Variants in PHLDB2 observed in about 807,000 individuals in gnomAD.
The protein encoded by PHLDB2 is pleckstrin homology-like domain family B member 2.
Under a neutral mutation model 123.6 loss-of-function variants are expected in PHLDB2, and 71 were observed. The observed-to-expected ratio is 0.57, with a 90% CI of 0.47 to 0.70. The LOEUF (loss-of-function observed/expected upper bound fraction) is 0.70, where lower values mean the gene tolerates loss of function less well. Ranked by LOEUF, PHLDB2 falls within the 30% of genes least tolerant of loss-of-function variation. The probability of loss-of-function intolerance (pLI) is 0.00; values close to 1 mark genes in which losing one functional copy is unlikely to be tolerated. For missense variants in PHLDB2, 1,446 were observed against 1,519.5 expected (o/e 0.95, Z 0.80); for synonymous variants, 547 against 541.6 (o/e 1.01, Z -0.14).
chr3:111,758,757 A>G lies in PHLDB2; in HGVS notation c.-49+26054A>G, dbSNP rs571086235. ...ATTCGGCCATCTTGGCTCGACCACA[A>G]AAAAATTTCAAGTGCATCTATTTTG... On this transcript the variant is annotated intron_variant, in intron 1 of 17. Coordinates refer to the PHLDB2 transcript ENST00000393923. 1.7e-4 allele frequency among the ~76,000 whole-genome samples: 26 copies of G among 152,254 alleles called. No individual in the cohort carries two copies. In the South Asian group the frequency reaches 4.8e-3, roughly 28 times the overall value.
chr3:111,949,867 C>T, intron 10 of PHLDB2: 2 of 982,674 alleles, frequency 2.0e-6, no homozygotes, highest in Non-Finnish European at 2.4e-6. Context: ...ACACAGAAGG[C>T]AGCAGCAGCA....
intron 1 of PHLDB2, among the ~76,000 whole-genome samples, chr3:111,861,101 A>G (rs1245921213): frequency 6.6e-6 from 1 of 152,214 alleles, no homozygotes; most frequent in Non-Finnish European, 1.5e-5. Context: ...GAACACTTGA[A>G]TTCTTGGTTC....
rs1013710037 is a variant in PHLDB2, at chr3:111,952,450, A to G, written c.2632-122A>G. ...TCAGTGAACACAATATATGTTGAAT[A>G]ACTTTAAGAAAAATTCTGTTAAAAT... is the stretch of plus-strand genomic sequence containing the variant. On this transcript the variant is annotated intron_variant, in intron 10 of 17. Transcript: ENST00000431670. 4 of 1,096,540 alleles carry G rather than the reference A, an allele frequency of 3.6e-6. No individual in the cohort carries two copies. In the African/African-American group the frequency reaches 6.4e-5, roughly 17 times the overall value. The allele number at this position is 1,096,540 out of a possible 1,614,324, so 67.9% of individuals were successfully genotyped here.
chr3:111,780,357 A>G (rs895117453), intron 1 of PHLDB2, among the ~76,000 whole-genome samples: 1,100 of 24,416 alleles, frequency 0.045, 86 homozygotes, highest in Middle Eastern at 0.23. Flanking sequence ...AAGAAGAAGA[A>G]GAAGAAGAAG....
chr3:111,861,634 G>T (rs911282791), intron 1 of PHLDB2, among the ~76,000 whole-genome samples: 2 of 152,134 alleles, frequency 1.3e-5, no homozygotes, highest in African/African-American at 2.4e-5. Context: ...CACGAGTGTC[G>T]CCTGGATCCC....
At position 111,884,158 on chromosome 3, in the gene PHLDB2, T is replaced by C; in HGVS notation, c.81T>C (p.Val27=). The change falls in exon 2 of 18, where the codon GTT becomes GTC. Residue 27 remains valine, a synonymous_variant. Transcript: ENST00000431670. ...SLEEDSVVHS[V]ENDSQNMMES... ...AGGAAGACTCTGTGGTGCATTCTGTTGAGAACGATTCCCAAAACATGATGG... is the reference window on the plus strand; with the variant it reads ...AGGAAGACTCTGTGGTGCATTCTGTCGAGAACGATTCCCAAAACATGATGG... 1.9e-6 allele frequency: 3 copies of C among 1,614,142 alleles called. No homozygotes were observed. The highest frequency in any genetic ancestry group is 2.5e-6 in the Non-Finnish European group (3 of 1,179,986).
At chr3:111,760,925 G>A (rs904153966) in intron 1 of PHLDB2, among the ~76,000 whole-genome samples, 2 of 152,030 alleles carry the variant, frequency 1.3e-5, no homozygotes, top group African/African-American at 4.8e-5. Flanking sequence ...GGTGGCTCAC[G>A]CCTGTAATCC....
chr3:111,877,811 T>C (rs1449692382), intron 1 of PHLDB2, among the ~76,000 whole-genome samples: 1 of 152,258 alleles, frequency 6.6e-6, no homozygotes, highest in Non-Finnish European at 1.5e-5. Flanking sequence ...CAACACCATT[T>C]ATTAAATAGG....
chr3:111,781,479 CA>C (rs2060475245), intron 1 of PHLDB2, among the ~76,000 whole-genome samples: 1 of 152,052 alleles, frequency 6.6e-6, no homozygotes, highest in African/African-American at 2.4e-5. Flanking sequence ...GCTCCAATAC[CA>C]ATACCAAACT....
intron 2 of PHLDB2, among the ~76,000 whole-genome samples, chr3:111,904,388 T>C (rs1372569773): frequency 6.6e-6 from 1 of 152,132 alleles, no homozygotes; most frequent in African/African-American, 2.4e-5. Context: ...TCCTGATATC[T>C]TTATTTTTAA....
chr3:111,962,040 C>A, intron 12 of PHLDB2, 68 bp from the exon 13 acceptor site: 2 of 1,432,304 alleles, frequency 1.4e-6, no homozygotes, highest in South Asian at 1.2e-5. Flanking sequence ...TGGCTTGTGT[C>A]TGTAGATGTT....
intron 9 of PHLDB2, among the ~76,000 whole-genome samples, chr3:111,947,911 G>A (rs1204280265): frequency 6.6e-6 from 1 of 152,130 alleles, no homozygotes; most frequent in Non-Finnish European, 1.5e-5. Flanking sequence ...ATGGAGGCAT[G>A]GAAGAATCTT....
At chr3:111,845,274 G>A (rs533842035) in intron 1 of PHLDB2, among the ~76,000 whole-genome samples, 3 of 141,332 alleles carry the variant, frequency 2.1e-5, no homozygotes, top group South Asian at 4.7e-4. Context: ...AGAATTGCTT[G>A]AATCCGGGAG....
chr3:111,885,863 G>GTCCC (rs2107338695), intron 2 of PHLDB2: 2 of 489,804 alleles, frequency 4.1e-6, no homozygotes, highest in East Asian at 7.2e-5. Context: ...ATAGCAAGTT[G>GTCCC]TCTAGAAAGT....
intron 1 of PHLDB2, among the ~76,000 whole-genome samples, chr3:111,863,409 C>G (rs1236297417): frequency 6.6e-6 from 1 of 152,128 alleles, no homozygotes; most frequent in African/African-American, 2.4e-5. Flanking sequence ...AAAAAGACAC[C>G]TGGCATATAT....
chr3:111,756,827 C>G (rs1335974215), intron 1 of PHLDB2, among the ~76,000 whole-genome samples: 2 of 152,104 alleles, frequency 1.3e-5, no homozygotes, highest in African/African-American at 4.8e-5. Flanking sequence ...TTCAGGAGCT[C>G]TTTTAGGGCA....
chr3:111,739,588 CAAAACAAACA>C (rs2059566102), intron 1 of PHLDB2, among the ~76,000 whole-genome samples: 6 of 91,826 alleles, frequency 6.5e-5, no homozygotes, highest in Admixed American at 1.2e-4. Flanking sequence ...AAAAAAAAAA[CAAAACAAACA>C]AAAAAAAAAA....
At position 111,884,877 on chromosome 3, in the gene PHLDB2, T is replaced by C. The variant is rs779530727; in HGVS notation, c.800T>C (p.Leu267Pro). 1.4e-5 allele frequency: 23 copies of C among 1,613,984 alleles called. No individual in the cohort carries two copies. The East Asian group carries it at 5.1e-4, about 36-fold the overall frequency. The part of the protein sequence containing the change: ...PRLYRATENQ[L>P]TPLSLPPRNS... The stretch of plus-strand genomic sequence containing the variant: ...TTGTACAGAGCCACAGAGAACCAGC[T>C]GACACCTCTCAGCTTGCCTCCAAGA... Residue 267 changes from leucine (L) to proline (P), a missense_variant, in exon 2 of 18, where the codon CTG (leucine) becomes CCG (proline). Physicochemically the swap from Leu to Pro is moderately conservative, Grantham distance 98. Transcript: ENST00000431670.
In PHLDB2 at chr3:111,958,928, A is replaced by G. The variant is rs187458926; in HGVS notation, c.2873-3180A>G. 9.1e-3 allele frequency among the ~76,000 whole-genome samples: 1,389 copies of G among 152,380 alleles called. 29 individuals carry two copies. Among genetic ancestry groups the G allele is most frequent in the African/African-American group, 0.031 (1,285 of 41,594 alleles). ...TATAGATGAAAAGATAAATTCATTC[A>G]GTGACTGTTTATCTTATGACATCCA... On this transcript the variant is annotated intron_variant, in intron 12 of 17. Transcript: ENST00000431670.
Sources: gnomAD v4.1 joint callset for allele counts (sites outside exome capture counted in the v4.1 genomes callset) on GRCh38, gnomAD v4.1.1 for gene constraint, MANE v1.5 for transcripts, NCBI Gene and HGNC (gene_info 2026-07-23, HGNC 2026-07-21) for gene names.